RNF212B: variants seen among roughly 807,000 people sequenced by gnomAD.
The protein encoded by RNF212B is E3 ubiquitin-protein ligase RNF212B.
In RNF212B, 52 loss-of-function variants were observed where a neutral mutation model predicts 55.5. The ratio of observed to expected loss-of-function variants is 0.94; its 90% CI spans 0.75 to 1.18. The LOEUF (loss-of-function observed/expected upper bound fraction) is 1.18. RNF212B is among the 50% of genes most tolerant of loss of function. The pLI is 0.00. For missense variants in RNF212B, 289 were observed against 350.4 expected, an observed-to-expected ratio of 0.82 and a Z score of 1.40; for synonymous variants, 99 against 121.4, an observed-to-expected ratio of 0.82 and a Z score of 1.21.
intron 2 of RNF212B, among the ~76,000 whole-genome samples, chr14:23,219,191 T>C (rs113648285): frequency 0.021 from 3,270 of 152,272 alleles, 109 homozygotes; most frequent in African/African-American, 0.073. Flanking sequence ...AAATGCTAAA[T>C]GGAGTTCTTC....
intron 1 of RNF212B, among the ~76,000 whole-genome samples, chr14:23,190,453 C>A (rs947004574): frequency 6.6e-6 from 1 of 152,202 alleles, no homozygotes; most frequent in African/African-American, 2.4e-5. Context: ...GCCAAAATAT[C>A]TTGGAGTCAA....
intron 2 of RNF212B, among the ~76,000 whole-genome samples, chr14:23,232,055 C>T (rs973065384): frequency 2.6e-5 from 4 of 151,998 alleles, no homozygotes; most frequent in Non-Finnish European, 4.4e-5. Flanking sequence ...AGCCTCTGCC[C>T]GGCTGCCACC....
chr14:23,253,476 T>C lies in RNF212B; in HGVS notation c.229-5073T>C, dbSNP rs148488208. Among the ~76,000 whole-genome samples, 779 of 152,312 alleles carry C rather than the reference T, an allele frequency of 5.1e-3. 2 individuals carry two copies. Among genetic ancestry groups the C allele is most frequent in the African/African-American group, 0.016 (650 of 41,574 alleles). ...ATTTCATATGTTCCTCTGTCCTCTATTTCTTGTAAATTGTTAGGTAAGTTT... is the reference window on the plus strand; with the variant it reads ...ATTTCATATGTTCCTCTGTCCTCTACTTCTTGTAAATTGTTAGGTAAGTTT... On this transcript the variant is annotated intron_variant, in intron 4 of 14. Coordinates refer to ENST00000430154, the MANE Select transcript of RNF212B (RefSeq NM_001282322.3).
rs1880412084 is a variant in RNF212B at position 23,210,737 on chromosome 14, A to G, written c.-2+17336A>G. Among the ~76,000 whole-genome samples, 3 of 128,536 alleles carry G rather than the reference A, an allele frequency of 2.3e-5. No individual in the cohort carries two copies. The Admixed American group carries it at 2.9e-4, about 12-fold the overall frequency. 84.3% of individuals were successfully genotyped at this position (128,536 alleles called of 152,430 possible). A position where few individuals can be genotyped will look rare whatever the true frequency, so the allele number is the denominator to read the frequency against. ...GGTTGCAGTGAGCCAGGATCACGCC[A>G]TTGCCCTCCAGTCCAGGTGACAGTG... On this transcript the variant is annotated intron_variant, in intron 2 of 15. Coordinates refer to the RNF212B transcript ENST00000399910.
intron 2 of RNF212B, among the ~76,000 whole-genome samples, chr14:23,207,665 C>T (rs1879983928): frequency 6.6e-6 from 1 of 152,152 alleles, no homozygotes; most frequent in African/African-American, 2.4e-5. Flanking sequence ...AGAATCCTCC[C>T]ATGGTTACCA....
chr14:23,232,946 G>A (rs571093406), upstream of RNF212B, among the ~76,000 whole-genome samples: 110 of 152,304 alleles, frequency 7.2e-4, no homozygotes, highest in Non-Finnish European at 1.1e-3. Context: ...TGATGACGAT[G>A]GTGGTTTTGT....
chr14:23,263,170 T>C (rs1885427743), intron 9 of RNF212B, among the ~76,000 whole-genome samples, 200 bp downstream of exon 9: 1 of 151,804 alleles, frequency 6.6e-6, no homozygotes, highest in Non-Finnish European at 1.5e-5. Flanking sequence ...GGGCAGACAA[T>C]CATTAACAGT....
At chr14:23,193,283 A>T (rs1440473107) in intron 1 of RNF212B, 1 of 152,148 alleles carries the variant, frequency 6.6e-6, no homozygotes, top group African/African-American at 2.4e-5. Context: ...TCTCTATCAA[A>T]ATATAAGATC....
At chr14:23,209,242 G>A (rs1880239624) in intron 2 of RNF212B, among the ~76,000 whole-genome samples, 1 of 152,156 alleles carries the variant, frequency 6.6e-6, no homozygotes, top group Admixed American at 6.5e-5. Context: ...AGCCATTTTG[G>A]TTTTGGTGGG....
chr14:23,211,743 G>A (rs1880540348), intron 2 of RNF212B, among the ~76,000 whole-genome samples: 1 of 152,118 alleles, frequency 6.6e-6, no homozygotes, highest in Non-Finnish European at 1.5e-5. Context: ...TTATTTTTGA[G>A]ACAGAGTCTC....
chr14:23,236,342 C>T (rs778833095), upstream of RNF212B, among the ~76,000 whole-genome samples: 40 of 152,170 alleles, frequency 2.6e-4, 1 homozygote, highest in Middle Eastern at 6.8e-3. Context: ...GGTGAAACCC[C>T]GTCTCTACTA....
intron 2 of RNF212B, among the ~76,000 whole-genome samples, chr14:23,223,913 A>G (rs1281195840): frequency 1.3e-5 from 2 of 152,256 alleles, no homozygotes; most frequent in Non-Finnish European, 2.9e-5. Context: ...CAAAATCAGC[A>G]TACAAAAACC....
chr14:23,237,239 C>T (rs568229059), upstream of RNF212B, among the ~76,000 whole-genome samples: 1 of 152,154 alleles, frequency 6.6e-6, no homozygotes, highest in South Asian at 2.1e-4. Context: ...AAACGATTCT[C>T]CTGCCTCAGC....
chr14:23,231,169 T>C (rs1348034543), intron 2 of RNF212B, among the ~76,000 whole-genome samples: 1 of 152,228 alleles, frequency 6.6e-6, no homozygotes, highest in Non-Finnish European at 1.5e-5. Flanking sequence ...GGAATTTTGA[T>C]AGGGATGACA....
chr14:23,257,162 A>AT (rs113873723), intron 4 of RNF212B, among the ~76,000 whole-genome samples: 60,001 of 151,332 alleles, frequency 0.4, 11,978 homozygotes, highest in East Asian at 0.42. Context: ...CACACACACA[A>AT]AAAAAATAAA....
rs145797478 is a variant in RNF212B at position 23,195,532 on chromosome 14, T to C, written c.-2+2131T>C. On this transcript the variant is annotated intron_variant, in intron 2 of 15. Transcript: ENST00000399910. Reference sequence around the variant, plus strand: ...ATGCTCTTCCTTCATTATAGTCTCATTTCTATTCAGTAATTCAATTTAGTG... The same window carrying C: ...ATGCTCTTCCTTCATTATAGTCTCACTTCTATTCAGTAATTCAATTTAGTG... Among the ~76,000 whole-genome samples, 250 of 152,330 alleles carry C rather than the reference T, an allele frequency of 1.6e-3. 2 individuals carry two copies. Among genetic ancestry groups the C allele is most frequent in the Admixed American group, 5.7e-3 (87 of 15,292 alleles).
chr14:23,252,312 G>A (rs143930821), intron 4 of RNF212B, among the ~76,000 whole-genome samples: 13 of 152,124 alleles, frequency 8.5e-5, no homozygotes, highest in African/African-American at 2.9e-4. Context: ...AACCAGGGGC[G>A]AAGACCATAT....
intron 2 of RNF212B, among the ~76,000 whole-genome samples, chr14:23,241,787 G>C (rs2081721829): frequency 6.6e-6 from 1 of 151,220 alleles, no homozygotes; most frequent in Admixed American, 6.6e-5. Flanking sequence ...TACGGACTGG[G>C]AAAAAGAAAA....
chr14:23,229,230 A>ATATATATT (rs1555314066), intron 2 of RNF212B, among the ~76,000 whole-genome samples: 1 of 56,774 alleles, frequency 1.8e-5, no homozygotes, highest in African/African-American at 5.7e-5. Context: ...TTATATATAT[A>ATATATATT]TATATATATA....
Sources: allele counts gnomAD v4.1 joint callset (sites outside exome capture counted in the v4.1 genomes callset), GRCh38; gene constraint gnomAD v4.1.1; transcripts MANE v1.5; gene names NCBI Gene and HGNC (gene_info 2026-07-23, HGNC 2026-07-21).